The following RGS7 variants were observed in gnomAD, a reference collection of about 807,000 sequenced individuals.
RGS7 encodes regulator of G-protein signaling 7.
In RGS7, 27 loss-of-function variants were observed where a neutral mutation model predicts 81.1. That is an observed-to-expected ratio of 0.33 (90% CI 0.25 to 0.46). The LOEUF is 0.46. RGS7 is among the 20% of genes least tolerant of loss of function. RGS7 has a pLI of 1.00. For synonymous variants in RGS7, 208 were observed against 207.7 expected, an observed-to-expected ratio of 1.00 and a Z score of -0.01; for missense variants, 396 against 607.4, an observed-to-expected ratio of 0.65 and a Z score of 3.66.
chr1:240,868,497 C>T lies in RGS7; in HGVS notation c.609+90G>A, dbSNP rs920384894. The T allele has an allele frequency of 1.9e-5, 21 of 1,099,178 alleles. No individual in the cohort carries two copies. Among genetic ancestry groups the T allele is most frequent in the Non-Finnish European group, 2.7e-5 (19 of 714,932 alleles). The allele number at this position is 1,099,178 out of a possible 1,614,324, so 68.1% of individuals were successfully genotyped here. ...ATACCATGGAGCGTGCATGGGGTCACTACAGTCTTTCACTTACTTTGGCAG... is the reference window on the plus strand; with the variant it reads ...ATACCATGGAGCGTGCATGGGGTCATTACAGTCTTTCACTTACTTTGGCAG... On this transcript the variant is annotated intron_variant, in intron 9 of 18. Transcript: ENST00000440928. The surrounding 1 kb of genome is among the most constrained non-coding windows in gnomAD (Gnocchi z 5.1).
At chr1:241,256,575 C>A (rs2077059899) in intron 2 of RGS7, among the ~76,000 whole-genome samples, 1 of 152,140 alleles carries the variant, frequency 6.6e-6, no homozygotes, top group African/African-American at 2.4e-5. Context: ...AAATTTATGT[C>A]TCACAGTTTT....
intron 4 of RGS7, among the ~76,000 whole-genome samples, chr1:240,978,307 G>A (rs1012560112): frequency 6.6e-6 from 1 of 152,100 alleles, no homozygotes; most frequent in Non-Finnish European, 1.5e-5. Context: ...GATTATAATA[G>A]TATCTATATA....
chr1:241,153,426 G>T (rs1029886767), intron 2 of RGS7, among the ~76,000 whole-genome samples: 12 of 152,174 alleles, frequency 7.9e-5, no homozygotes, highest in African/African-American at 2.7e-4. Flanking sequence ...TGGTGAAGAA[G>T]AGAGTTATAC....
intron 18 of RGS7, among the ~76,000 whole-genome samples, chr1:240,794,314 C>A (rs1304777571): frequency 6.6e-6 from 1 of 152,132 alleles, no homozygotes; most frequent in Non-Finnish European, 1.5e-5. Flanking sequence ...GCCAAGCTGT[C>A]TTTTTTAACC....
chr1:240,812,167 T>A (rs549974176), intron 13 of RGS7, 124 bp from the exon 14 acceptor site: 6 of 973,580 alleles, frequency 6.2e-6, no homozygotes, highest in South Asian at 1.4e-5. Context: ...TCTTTAAAAA[T>A]ATATATATCC....
intron 2 of RGS7, among the ~76,000 whole-genome samples, chr1:241,347,028 T>C (rs768842726): frequency 3.4e-4 from 51 of 152,182 alleles, no homozygotes; most frequent in Non-Finnish European, 4.9e-4. Context: ...ATCTTAAGCA[T>C]TAACAATGAA....
intron 3 of RGS7, among the ~76,000 whole-genome samples, chr1:240,989,550 T>G (rs1686157361): frequency 6.6e-6 from 1 of 152,084 alleles, no homozygotes; most frequent in Non-Finnish European, 1.5e-5. Context: ...CAAAATCCTG[T>G]AATAGATTCT....
intron 3 of RGS7, among the ~76,000 whole-genome samples, chr1:241,044,394 G>A (rs573915518): frequency 6.6e-5 from 10 of 152,146 alleles, no homozygotes; most frequent in African/African-American, 2.2e-4. Flanking sequence ...ACAGGCATGA[G>A]CTACCGTGCC....
rs373504564 is a variant in RGS7, at chr1:240,827,192, G to T, written c.610-20C>A. 1.5e-5 allele frequency: 24 copies of T among 1,583,294 alleles called. No individual in the cohort carries two copies. The African/African-American group carries it at 3.2e-4, about 21-fold the overall frequency. On this transcript the variant is annotated intron_variant, in intron 9 of 18. Coordinates refer to ENST00000440928, the MANE Select transcript of RGS7 (RefSeq NM_001364886.1). The stretch of plus-strand genomic sequence containing the variant: ...TCCAGGCTGGGAATGGAAAAACAGA[G>T]AGACAAATGAATCTTTGGGTGTGAA...
At position 241,187,587 on chromosome 1, in the gene RGS7, A is replaced by G. The variant is rs139558788; in HGVS notation, c.79-88825T>C. On this transcript the variant is annotated intron_variant, in intron 2 of 18. Transcript: ENST00000440928. ...TCAGCTCTATATGCAGTACAGCTCA[A>G]TAAAGCTCTAATATGCAGTACAGCT... Among the ~76,000 whole-genome samples the G allele has an allele frequency of 8.5e-3, 1,297 of 152,274 alleles. 13 individuals carry two copies. Among genetic ancestry groups the G allele is most frequent in the African/African-American group, 0.03 (1,249 of 41,562 alleles).
intron 2 of RGS7, among the ~76,000 whole-genome samples, chr1:241,107,220 T>C (rs957817987): frequency 6.6e-6 from 1 of 152,232 alleles, no homozygotes; most frequent in Non-Finnish European, 1.5e-5. Context: ...AGTTCTTCAA[T>C]GCACAGAACA....
At chr1:240,973,612 T>C (rs1683603345) in intron 4 of RGS7, among the ~76,000 whole-genome samples, 2 of 152,026 alleles carry the variant, frequency 1.3e-5, no homozygotes, top group African/African-American at 2.4e-5. Context: ...TTTTTGGAGA[T>C]GGAGTCTCGC....
intron 6 of RGS7, among the ~76,000 whole-genome samples, chr1:240,897,328 A>T (rs1306059467): frequency 6.6e-6 from 1 of 152,128 alleles, no homozygotes; most frequent in African/African-American, 2.4e-5. Context: ...GTTGAATAGG[A>T]ATGGTGAGAG....
chr1:241,226,836 T>C (rs2075336326), intron 2 of RGS7, among the ~76,000 whole-genome samples: 1 of 152,238 alleles, frequency 6.6e-6, no homozygotes, highest in African/African-American at 2.4e-5. Context: ...ACACAGGTGT[T>C]TTGGCTTTGC....
At chr1:241,235,916 G>GAC (rs796312761) in intron 2 of RGS7, among the ~76,000 whole-genome samples, 1 of 146,710 alleles carries the variant, frequency 6.8e-6, no homozygotes, top group Admixed American at 6.9e-5. Context: ...CTTTGAGAGA[G>GAC]AGAGAGAGAG....
chr1:240,922,013 A>G (rs1325046161), intron 6 of RGS7, among the ~76,000 whole-genome samples: 1 of 152,062 alleles, frequency 6.6e-6, no homozygotes, highest in Non-Finnish European at 1.5e-5. Flanking sequence ...AACCTATAGT[A>G]ATCGAGGCAG....
chr1:241,089,063 C>CTCTCTCTATA (rs1374552672), intron 3 of RGS7, among the ~76,000 whole-genome samples: 11 of 23,682 alleles, frequency 4.6e-4, no homozygotes, highest in African/African-American at 9.3e-4. Flanking sequence ...CTCTCTCTCT[C>CTCTCTCTATA]TATATATATA....
intron 4 of RGS7, among the ~76,000 whole-genome samples, chr1:240,959,270 T>C (rs1400304967): frequency 1.3e-5 from 2 of 152,314 alleles, no homozygotes; most frequent in Non-Finnish European, 2.9e-5. Flanking sequence ...CAGCCATGTA[T>C]CTCATGCATG....
rs1024820581 is a variant in RGS7 at position 240,953,733 on chromosome 1, C to T, written c.227-17027G>A. ...CAATTTAAACCTAGAGTAATCAGAA[C>T]AAAAGAAATAATAAAATTACATCAG... On this transcript the variant is annotated intron_variant, in intron 4 of 18. Coordinates refer to ENST00000440928, the MANE Select transcript of RGS7 (RefSeq NM_001364886.1). 2.0e-5 allele frequency among the ~76,000 whole-genome samples: 3 copies of T among 151,594 alleles called. No individual in the cohort carries two copies. The South Asian group carries it at 6.2e-4, about 31-fold the overall frequency.
Sources: allele counts gnomAD v4.1 joint callset (sites outside exome capture counted in the v4.1 genomes callset), GRCh38; gene constraint gnomAD v4.1.1; non-coding constraint Gnocchi (gnomAD v3.1); transcripts MANE v1.5; gene names NCBI Gene and HGNC (gene_info 2026-07-23, HGNC 2026-07-21).